The following YEATS4 variants were observed in gnomAD, a reference collection of about 807,000 sequenced individuals.
The protein encoded by YEATS4 is YEATS domain containing 4.
A neutral mutation model predicts 30.1 loss-of-function variants in YEATS4; 17 were observed. The observed-to-expected ratio is 0.56, with a 90% confidence interval of 0.39 to 0.85. The LOEUF is 0.85. Ranked by LOEUF, YEATS4 falls within the 40% of genes least tolerant of loss-of-function variation. The probability of loss-of-function intolerance (pLI) is 0.00; values close to 1 mark genes in which losing one functional copy is unlikely to be tolerated. For synonymous variants in YEATS4, 85 were observed against 87.5 expected, an observed-to-expected ratio of 0.97 and a Z score of 0.16; for missense variants, 142 against 268.3, an observed-to-expected ratio of 0.53 and a Z score of 3.29.
chr12:69,404,065 C>T, the YEATS4 span, among the ~76,000 whole-genome samples: 1 of 152,024 alleles, frequency 6.6e-6, no homozygotes, highest in Non-Finnish European at 1.5e-5. Flanking sequence ...CTTCTTTTCC[C>T]CTTACTTACC....
At chr12:69,383,067 C>T (rs1378182796) in intron 6 of YEATS4, among the ~76,000 whole-genome samples, 1 of 151,942 alleles carries the variant, frequency 6.6e-6, no homozygotes, top group Non-Finnish European at 1.5e-5. Flanking sequence ...TCAAGACTAG[C>T]CTGAGCAATG....
At chr12:69,414,442 G>C in the YEATS4 span, among the ~76,000 whole-genome samples, 1 of 152,104 alleles carries the variant, frequency 6.6e-6, no homozygotes, top group Non-Finnish European at 1.5e-5. Context: ...TGTTGCCCAG[G>C]CTAGTCTGAA....
At chr12:69,419,284 G>A in the YEATS4 span, among the ~76,000 whole-genome samples, 49 of 147,592 alleles carry the variant, frequency 3.3e-4, no homozygotes, top group East Asian at 7.8e-3. Flanking sequence ...GCAGTGGTGC[G>A]ATCATGACCC....
chr12:69,387,301 G>A (rs1868263077), intron 6 of YEATS4, among the ~76,000 whole-genome samples: 1 of 152,182 alleles, frequency 6.6e-6, no homozygotes, highest in Non-Finnish European at 1.5e-5. Context: ...AACCTTTCAG[G>A]TTAGGTAAGA....
At chr12:69,401,801 TC>T in the YEATS4 span, among the ~76,000 whole-genome samples, 2 of 152,234 alleles carry the variant, frequency 1.3e-5, no homozygotes, top group African/African-American at 4.8e-5. Context: ...CGTTCTACTT[TC>T]TTTTGTTAAA....
At chr12:69,407,417 T>C in the YEATS4 span, among the ~76,000 whole-genome samples, 8 of 152,188 alleles carry the variant, frequency 5.3e-5, no homozygotes, top group African/African-American at 7.2e-5. Flanking sequence ...AATGGGCCTG[T>C]ATTTTATGAA....
At chr12:69,397,332 C>G in the YEATS4 span, among the ~76,000 whole-genome samples, 3 of 152,004 alleles carry the variant, frequency 2.0e-5, no homozygotes, top group Non-Finnish European at 4.4e-5. Flanking sequence ...TAGGTTGGGC[C>G]CTAATCTAAT....
In YEATS4 at chr12:69,359,795, C is replaced by T; in HGVS notation, c.-178C>T. 1.5e-6 allele frequency: 1 copy of T among 681,028 alleles called. No individual in the cohort carries two copies. Among genetic ancestry groups the T allele is most frequent in the East Asian group, 3.0e-5 (1 of 33,846 alleles). The allele number at this position is 681,028 out of a possible 1,614,324, so 42.2% of individuals were successfully genotyped here. On this transcript the variant is annotated 5_prime_UTR_variant, in exon 1 of 7. Coordinates refer to ENST00000247843, the MANE Select transcript of YEATS4 (RefSeq NM_006530.4). ...CGGGCCTGAATGGCCTTCAGGAGCA[C>T]AGTCGGCCTGAGGAGTTGACGGTTA...
chr12:69,418,626 T>C, the YEATS4 span, among the ~76,000 whole-genome samples: 1 of 152,184 alleles, frequency 6.6e-6, no homozygotes, highest in Non-Finnish European at 1.5e-5. Flanking sequence ...GTAATTGAAG[T>C]TGGTTTTTTT....
At chr12:69,370,374 T>C (rs966345381) in intron 4 of YEATS4, among the ~76,000 whole-genome samples, 2 of 152,224 alleles carry the variant, frequency 1.3e-5, no homozygotes, top group African/African-American at 4.8e-5. Context: ...AATCCACTTG[T>C]GTAAGTAAAA....
chr12:69,387,182 A>G (rs1868262106), intron 6 of YEATS4, among the ~76,000 whole-genome samples: 1 of 152,246 alleles, frequency 6.6e-6, no homozygotes, highest in Non-Finnish European at 1.5e-5. Context: ...AATGAGCAAA[A>G]GGAAAACAGA....
the YEATS4 span, among the ~76,000 whole-genome samples, chr12:69,407,533 G>A: frequency 1.3e-5 from 2 of 151,968 alleles, no homozygotes; most frequent in Non-Finnish European, 2.9e-5. Context: ...TTCCTGGATA[G>A]CTACTGTGAA....
At chr12:69,412,913 A>T in the YEATS4 span, among the ~76,000 whole-genome samples, 1 of 152,074 alleles carries the variant, frequency 6.6e-6, no homozygotes, top group Admixed American at 6.6e-5. Flanking sequence ...AAGAGTGGAT[A>T]TAGGGAGGAA....
intron 1 of YEATS4, among the ~76,000 whole-genome samples, chr12:69,361,970 C>G (rs904935012): frequency 3.6e-5 from 5 of 140,098 alleles, no homozygotes; most frequent in African/African-American, 5.5e-5. Flanking sequence ...TTAAAAGCCT[C>G]TTTCTAAGCG....
chr12:69,375,686 C>T (rs1015083082), intron 6 of YEATS4, among the ~76,000 whole-genome samples: 7 of 152,144 alleles, frequency 4.6e-5, no homozygotes, highest in South Asian at 4.1e-4. Context: ...AGATCACTCG[C>T]GGTCAGGAGC....
chr12:69,406,640 G>A, the YEATS4 span, among the ~76,000 whole-genome samples: 5 of 151,878 alleles, frequency 3.3e-5, no homozygotes, highest in Non-Finnish European at 5.9e-5. Context: ...TTCTGTGAAC[G>A]GCCATGTAAC....
intron 1 of YEATS4, 57 bp from the exon 2 acceptor site, chr12:69,362,731 C>A: frequency 2.9e-6 from 4 of 1,365,968 alleles, no homozygotes; most frequent in Admixed American, 2.5e-5. Context: ...AGCTCTTATT[C>A]TGCATATTTA....
At chr12:69,413,328 A>G in the YEATS4 span, among the ~76,000 whole-genome samples, 1 of 148,768 alleles carries the variant, frequency 6.7e-6, no homozygotes, top group Non-Finnish European at 1.5e-5. Context: ...AGCCTGGGCA[A>G]CAAAGTGAGA....
intron 1 of YEATS4, 63 bp downstream of exon 1, chr12:69,360,086 C>A: frequency 6.4e-7 from 1 of 1,570,022 alleles, no homozygotes; most frequent in Non-Finnish European, 8.7e-7. Flanking sequence ...CCCTGCGCGG[C>A]GCGGGGAGGG....
Sources: allele counts gnomAD v4.1 joint callset (sites outside exome capture counted in the v4.1 genomes callset), GRCh38; gene constraint gnomAD v4.1.1; transcripts MANE v1.5; gene names NCBI Gene and HGNC (gene_info 2026-07-23, HGNC 2026-07-21).